Variants in BAIAP2 observed in about 807,000 individuals in gnomAD.
BAIAP2 encodes BAR/IMD domain containing adaptor protein 2.
Under a neutral mutation model 63.0 loss-of-function variants are expected in BAIAP2, and 18 were observed. The observed-to-expected ratio is 0.29, with a 90% CI of 0.20 to 0.42. BAIAP2 has a LOEUF of 0.42. Ranked by LOEUF, BAIAP2 falls within the 10% of genes least tolerant of loss-of-function variation. The pLI, the probability that BAIAP2 is intolerant of heterozygous loss-of-function variation, is 1.00. For missense variants in BAIAP2, 610 were observed against 734.3 expected (o/e 0.83, Z 1.96); for synonymous variants, 386 against 307.6 (o/e 1.25, Z -2.67).
intron 3 of BAIAP2, among the ~76,000 whole-genome samples, chr17:81,061,543 C>T (rs1398533315): frequency 1.3e-5 from 2 of 152,212 alleles, no homozygotes; most frequent in Non-Finnish European, 1.5e-5. Context: ...CTTTTTTTGT[C>T]CAGCTTCCTC....
intron 6 of BAIAP2, among the ~76,000 whole-genome samples, chr17:81,094,359 G>C (rs2057300795): frequency 6.6e-6 from 1 of 152,184 alleles, no homozygotes; most frequent in African/African-American, 2.4e-5. Context: ...GTTGGGACCT[G>C]TTGTTCCTGG....
rs78219655 is a variant in BAIAP2, at chr17:81,092,258, G to C, written c.489+5678G>C. ...GGCAGCGAGGCTGGGCCCATGGCAC[G>C]TGTGAGGGGCGGCTTCATGCTCCAG... is the stretch of plus-strand genomic sequence containing the variant. On this transcript the variant is annotated intron_variant, in intron 6 of 13. Coordinates refer to ENST00000428708, the MANE Select transcript of BAIAP2 (RefSeq NM_001144888.2). Among the ~76,000 whole-genome samples the C allele has an allele frequency of 8.8e-3, 1,346 of 152,324 alleles. 21 individuals carry two copies. The highest frequency in any genetic ancestry group is 0.03 in the African/African-American group (1,247 of 41,572).
At chr17:81,049,385 C>A (rs149335094) in intron 1 of BAIAP2, among the ~76,000 whole-genome samples, 1 of 152,188 alleles carries the variant, frequency 6.6e-6, no homozygotes, top group Non-Finnish European at 1.5e-5. Flanking sequence ...ACTTCAGAGC[C>A]GCCGTGTGGG....
chr17:81,113,209 A>G (rs1327554868), intron 13 of BAIAP2, among the ~76,000 whole-genome samples: 1 of 152,188 alleles, frequency 6.6e-6, no homozygotes, highest in Non-Finnish European at 1.5e-5. Context: ...TCCCCCACAC[A>G]TGACGCAGGC....
chr17:81,048,356 CAAAAAAAAAAAAA>C (rs5822388), intron 1 of BAIAP2, among the ~76,000 whole-genome samples: 1 of 90,244 alleles, frequency 1.1e-5, no homozygotes, highest in Non-Finnish European at 2.2e-5. Context: ...GACTCTGTCT[CAAAAAAAAAAAAA>C]AAAAAAAAAA....
chr17:81,086,346 G>T, intron 5 of BAIAP2, 97 bp from the exon 6 acceptor site: 1 of 1,472,538 alleles, frequency 6.8e-7, no homozygotes, highest in East Asian at 2.3e-5. Context: ...AGGGGACCCC[G>T]TTGCGTTGGG....
chr17:81,076,149 G>C (rs1381324395), intron 3 of BAIAP2: 1 of 152,220 alleles, frequency 6.6e-6, no homozygotes, highest in South Asian at 2.1e-4. Flanking sequence ...CTCAGGTCCT[G>C]CCGGGAGGCA....
intron 13 of BAIAP2, among the ~76,000 whole-genome samples, chr17:81,111,733 G>A (rs900833323): frequency 1.3e-5 from 2 of 152,238 alleles, no homozygotes; most frequent in Non-Finnish European, 2.9e-5. Flanking sequence ...ATGTGCCAGG[G>A]TGTCCAGGAG....
chr17:81,085,700 T>C lies in BAIAP2; in HGVS notation c.326T>C (p.Val109Ala). 1 of 1,613,744 alleles carries C rather than the reference T, an allele frequency of 6.2e-7. No homozygotes were observed. The highest frequency in any genetic ancestry group is 8.5e-7 in the Non-Finnish European group (1 of 1,179,976). ...CTGCTTACGCAGCTGGAGCAGAAGGTGGAGCTGGACTCCAGGTATCTGAGT... is the reference window on the plus strand; with the variant it reads ...CTGCTTACGCAGCTGGAGCAGAAGGCGGAGCTGGACTCCAGGTATCTGAGT... ...NELLTQLEQK[V>A]ELDSRYLSAA... Residue 109 changes from valine (V) to alanine (A), a missense_variant, in exon 5 of 14, where the codon GTG becomes GCG. Transcript: ENST00000428708.
At chr17:81,068,194 C>T (rs1156749455) in intron 3 of BAIAP2, among the ~76,000 whole-genome samples, 2 of 152,220 alleles carry the variant, frequency 1.3e-5, no homozygotes, top group African/African-American at 4.8e-5. Context: ...TCAGGGCGGC[C>T]TCTGCTCCTG....
Position 81,086,680 on chromosome 17 carries a change from G to T in BAIAP2, c.489+100G>T, listed in dbSNP as rs1172425361. 9.4e-6 allele frequency: 13 copies of T among 1,383,868 alleles called. No individual in the cohort carries two copies. The Admixed American group carries it at 2.4e-4, about 26-fold the overall frequency. The allele number at this position is 1,383,868 out of a possible 1,614,324, so 85.7% of individuals were successfully genotyped here. ...CAGGGAGTGGACAGCAGCCCCCCAG[G>T]TGCGATCAGACAGAGGCAGGCTGTG... On this transcript the variant is annotated intron_variant, in intron 6 of 13. Transcript: ENST00000428708.
chr17:81,090,684 A>G (rs2056569907), intron 6 of BAIAP2, among the ~76,000 whole-genome samples: 1 of 152,208 alleles, frequency 6.6e-6, no homozygotes, highest in South Asian at 2.1e-4. Context: ...CCCCAGCCCC[A>G]CATCGGAGTT....
At chr17:81,074,271 C>CCTGTGTGT (rs1008748355) in intron 3 of BAIAP2, among the ~76,000 whole-genome samples, 1 of 152,208 alleles carries the variant, frequency 6.6e-6, no homozygotes, top group Non-Finnish European at 1.5e-5. Context: ...GAAAAAAGTG[C>CCTGTGTGT]CTGTGTGTCT....
Position 81,058,019 on chromosome 17 carries a change from G to GC in BAIAP2, c.217+53dup, listed in dbSNP as rs780903300. On this transcript the variant is annotated intron_variant, in intron 3 of 13. Transcript: ENST00000428708. ...GGTAGTCGCCTGATGCCCTCAGGCA[G>GC]CTCTGGGGCCCTGTCCTGTGTCCAG... 1.5e-6 allele frequency: 2 copies of GC among 1,351,552 alleles called. 1 individual carries two copies. The allele number at this position is 1,351,552 out of a possible 1,614,324, so 83.7% of individuals were successfully genotyped here. A position where few individuals can be genotyped will look rare whatever the true frequency, so the allele number is the denominator to read the frequency against.
intron 1 of BAIAP2, among the ~76,000 whole-genome samples, chr17:81,038,321 G>A (rs1011610644): frequency 2.6e-4 from 40 of 152,252 alleles, no homozygotes; most frequent in African/African-American, 9.4e-4. Flanking sequence ...AATGTCAGGT[G>A]GGTGTTTTCC....
chr17:81,107,167 C>T (rs1191580243), intron 12 of BAIAP2: 4 of 477,842 alleles, frequency 8.4e-6, no homozygotes, highest in South Asian at 3.2e-5. Context: ...TGCCCTCAGC[C>T]AGCCACGGGC....
chr17:81,115,772 A>T lies in BAIAP2; in HGVS notation c.1538A>T (p.Asn513Ile). ...DDYGARSMSR[N>I]PFAHVQLKPT... Reference sequence around the variant, plus strand: ...AAAACCACGTTTTTCTCTTTCAGGAATCCCTTTGCCCACGTCCAGCTGAAG... The same window carrying T: ...AAAACCACGTTTTTCTCTTTCAGGATTCCCTTTGCCCACGTCCAGCTGAAG... Residue 513 changes from asparagine (N) to isoleucine (I), a missense_variant and splice_region_variant, in exon 14 of 14, where the codon AAT becomes ATT. By Grantham distance (149) the Asn-to-Ile change is moderately radical (BLOSUM62 -3). Transcript: ENST00000428708. 1 of 1,613,556 alleles carries T rather than the reference A, an allele frequency of 6.2e-7. No homozygotes were observed.
chr17:81,101,613 T>A (rs144157199), intron 7 of BAIAP2, among the ~76,000 whole-genome samples: 50 of 150,604 alleles, frequency 3.3e-4, no homozygotes, highest in African/African-American at 1.2e-3. Context: ...CCCACCACAC[T>A]CTCATGTACG....
rs1486374967 is a variant in BAIAP2 at position 81,115,809 on chromosome 17, C to A, written c.1575C>A (p.Thr525=). The change falls in exon 14 of 14, where the codon ACC becomes ACA. Residue 525 remains threonine (T), a synonymous_variant. Transcript: ENST00000428708. ...FAHVQLKPTV[T]NDRSAPLLS ...ACGTCCAGCTGAAGCCGACAGTGAC[C>A]AACGACAGGTCTGCCCCCCTCCTCA... 6.2e-7 allele frequency: 1 copy of A among 1,613,550 alleles called. No homozygotes were observed. The highest frequency in any genetic ancestry group is 1.7e-5 in the Admixed American group (1 of 60,030).
Sources: gnomAD v4.1 joint callset for allele counts (sites outside exome capture counted in the v4.1 genomes callset) on GRCh38, gnomAD v4.1.1 for gene constraint, MANE v1.5 for transcripts, NCBI Gene and HGNC (gene_info 2026-07-23, HGNC 2026-07-21) for gene names.